The following GNAO1 variants were observed in gnomAD, a reference collection of about 807,000 sequenced individuals.
GNAO1 encodes G protein subunit alpha o1.
For synonymous variants in GNAO1, 164 were observed against 180.7 expected, an observed-to-expected ratio of 0.91 and a Z score of 0.74; for missense variants, 166 against 478.7, an observed-to-expected ratio of 0.35 and a Z score of 6.10.
chr16:56,192,589 GA>G lies in GNAO1; in HGVS notation c.139del (p.Ser47AlafsTer4). The G allele has an allele frequency of 6.2e-7, 1 of 1,603,186 alleles. No individual in the cohort carries two copies. Among genetic ancestry groups the G allele is most frequent in the Non-Finnish European group, 8.5e-7 (1 of 1,170,856 alleles). ...GTCCCAACAGGGGCTGGAGAATCAGGAAAAAGCACCATTGTGAAGCAGATGA... is the reference window on the plus strand; with the variant it reads ...GTCCCAACAGGGGCTGGAGAATCAGGAAAAGCACCATTGTGAAGCAGATGA... ...KLLLLGAGES[G>X]KSTIVKQMKI... On this transcript the variant is annotated frameshift_variant, in exon 2 of 9. Coordinates refer to ENST00000262493, the MANE Select transcript of GNAO1 (RefSeq NM_020988.3). LOFTEE classifies it high-confidence loss of function.
chr16:56,208,854 T>C (rs1188697778), intron 2 of GNAO1, among the ~76,000 whole-genome samples: 14 of 152,230 alleles, frequency 9.2e-5, no homozygotes, highest in Non-Finnish European at 1.5e-4. Context: ...GTGTTCTTTA[T>C]GTGTTGTAAA....
chr16:56,294,362 G>C (rs1353666631), intron 3 of GNAO1, among the ~76,000 whole-genome samples: 1 of 116,374 alleles, frequency 8.6e-6, no homozygotes, highest in Non-Finnish European at 1.8e-5. Flanking sequence ...AAAAAAAAAA[G>C]TGGACTGGGT....
intron 6 of GNAO1, among the ~76,000 whole-genome samples, chr16:56,349,581 C>A (rs1413224850): frequency 3.9e-5 from 6 of 152,232 alleles, no homozygotes; most frequent in Admixed American, 3.3e-4. Context: ...GGAAATGCTC[C>A]TGGGGAATCA....
At chr16:56,292,689 C>T (rs908781655) in intron 3 of GNAO1, among the ~76,000 whole-genome samples, 5 of 152,166 alleles carry the variant, frequency 3.3e-5, no homozygotes, top group South Asian at 4.1e-4. Context: ...TGGAGCTGTT[C>T]GCTGTCTTCC....
At chr16:56,300,036 T>TGTGTGTGTGCGCGCGC (rs753591618) in intron 3 of GNAO1, among the ~76,000 whole-genome samples, 1 of 95,112 alleles carries the variant, frequency 1.1e-5, no homozygotes, top group African/African-American at 4.8e-5. Context: ...TGTGTGTGTG[T>TGTGTGTGTGCGCGCGC]GCGCGCGCGC....
intron 6 of GNAO1, chr16:56,339,753 C>T (rs74785552): frequency 0.02 from 2,993 of 153,328 alleles, 44 homozygotes; most frequent in East Asian, 0.06. Flanking sequence ...CTACCACGGT[C>T]GCCTCCACTG....
chr16:56,344,301 C>T, intron 6 of GNAO1: 2 of 1,172,402 alleles, frequency 1.7e-6, no homozygotes, highest in Non-Finnish European at 2.1e-6. Flanking sequence ...GGAGTGTCCT[C>T]CTGTCATCTT....
At chr16:56,273,788 G>T (rs1429335358) in intron 2 of GNAO1, among the ~76,000 whole-genome samples, 2 of 152,170 alleles carry the variant, frequency 1.3e-5, no homozygotes, top group Non-Finnish European at 2.9e-5. Flanking sequence ...GAGCCTTCTG[G>T]CGTCTCTGCT....
At position 56,245,137 on chromosome 16, in the gene GNAO1, TAAAAA is replaced by T. The variant is rs369359239; in HGVS notation, c.162-30787_162-30783del. 9.5e-5 allele frequency among the ~76,000 whole-genome samples: 14 copies of T among 147,012 alleles called. No individual in the cohort carries two copies. In the East Asian group the frequency reaches 1.4e-3, roughly 15 times the overall value. ...AGACAACATTTATTTATTTTATAGA[TAAAAA>T]AAAAAACTCTGTTAAAGATGCTTCA... On this transcript the variant is annotated intron_variant, in intron 2 of 8. Coordinates refer to ENST00000262493, the MANE Select transcript of GNAO1 (RefSeq NM_020988.3).
At chr16:56,343,427 G>A (rs61378118) in intron 6 of GNAO1, among the ~76,000 whole-genome samples, 2 of 150,100 alleles carry the variant, frequency 1.3e-5, no homozygotes, top group East Asian at 2.0e-4. Context: ...GGTAGAGGCT[G>A]CAGTGAGCCC....
chr16:56,209,973 A>G (rs1261506996), intron 2 of GNAO1, among the ~76,000 whole-genome samples: 1 of 152,142 alleles, frequency 6.6e-6, no homozygotes, highest in African/African-American at 2.4e-5. Flanking sequence ...ACAAATATGT[A>G]ATGACATGTA....
chr16:56,345,720 C>A, intron 6 of GNAO1: 1 of 985,508 alleles, frequency 1.0e-6, no homozygotes, highest in Non-Finnish European at 1.2e-6. Context: ...CCATGGACAG[C>A]CAGGGCCAGC....
intron 2 of GNAO1, among the ~76,000 whole-genome samples, chr16:56,243,340 G>C (rs945535597): frequency 5.9e-5 from 9 of 152,120 alleles, no homozygotes; most frequent in Non-Finnish European, 1.3e-4. Context: ...CAAAAAGGTT[G>C]GGGACTGCTG....
chr16:56,265,088 AG>A (rs1466645928), intron 2 of GNAO1, among the ~76,000 whole-genome samples: 1 of 152,134 alleles, frequency 6.6e-6, no homozygotes, highest in African/African-American at 2.4e-5. Context: ...CTCCCTTGGG[AG>A]AAGCACCCTC....
At chr16:56,245,768 C>T (rs931297548) in intron 2 of GNAO1, 14 of 152,226 alleles carry the variant, frequency 9.2e-5, no homozygotes, top group African/African-American at 2.9e-4. Flanking sequence ...GGTGTACTTT[C>T]TCTGTCAAAA....
At position 56,204,431 on chromosome 16, in the gene GNAO1, A is replaced by G. The variant is rs566154830; in HGVS notation, c.161+11815A>G. 2.0e-5 allele frequency among the ~76,000 whole-genome samples: 3 copies of G among 152,194 alleles called. No homozygotes were observed. In the East Asian group the frequency reaches 5.8e-4, roughly 29 times the overall value. On this transcript the variant is annotated intron_variant, in intron 2 of 8. Transcript: ENST00000262493. ...TGGGGTGAGCATACATATGGCCAGG[A>G]GAGGGAGGGCCCAGGGAAGGGGTGC...
chr16:56,256,013 C>G (rs1381843133), intron 2 of GNAO1, among the ~76,000 whole-genome samples: 5 of 152,126 alleles, frequency 3.3e-5, no homozygotes, highest in Admixed American at 6.5e-5. Flanking sequence ...TCATTTGTCT[C>G]TTGGAGCAGC....
At chr16:56,345,862 G>C in intron 6 of GNAO1, 1 of 985,520 alleles carries the variant, frequency 1.0e-6, no homozygotes, top group South Asian at 4.7e-5. Context: ...GCCGGCAAAA[G>C]GGGGATGCTG....
At chr16:56,327,222 T>C (rs16956339) in intron 3 of GNAO1, among the ~76,000 whole-genome samples, 2,392 of 152,010 alleles carry the variant, frequency 0.016, 65 homozygotes, top group African/African-American at 0.055. Context: ...CCAGGATGAA[T>C]GACAGAGCCC....
Sources: gnomAD v4.1 joint callset for allele counts (sites outside exome capture counted in the v4.1 genomes callset) on GRCh38, gnomAD v4.1.1 for gene constraint, MANE v1.5 for transcripts, NCBI Gene and HGNC (gene_info 2026-07-23, HGNC 2026-07-21) for gene names.